Variants in ZNF423 observed in about 807,000 individuals in gnomAD.
The protein encoded by ZNF423 is Ebf-associated zinc finger protein.
ZNF423 carries 12 observed loss-of-function variants against 95.8 expected under a neutral mutation model. That is an observed-to-expected ratio of 0.13 (90% CI 0.08 to 0.20). ZNF423 has a LOEUF of 0.20. ZNF423 is among the 10% of genes least tolerant of loss of function. ZNF423 has a pLI of 1.00. For missense variants in ZNF423, 1,316 were observed against 1,737.1 expected (o/e 0.76, Z 4.31); for synonymous variants, 749 against 711.9 (o/e 1.05, Z -0.83).
chr16:49,711,846 T>G (rs9928187), intron 3 of ZNF423: 6,910 of 152,344 alleles, frequency 0.045, 169 homozygotes, highest in Middle Eastern at 0.092. Context: ...CAGTAGCTCA[T>G]GCCTCTAATC....
intron 3 of ZNF423, among the ~76,000 whole-genome samples, chr16:49,673,487 C>T (rs1269365290): frequency 6.6e-6 from 1 of 152,220 alleles, no homozygotes; most frequent in Non-Finnish European, 1.5e-5. Context: ...TTAAGGAGAA[C>T]TCCAGCATTG....
intron 1 of ZNF423, among the ~76,000 whole-genome samples, chr16:49,813,095 T>A (rs1368460926): frequency 6.6e-6 from 1 of 152,154 alleles, no homozygotes; most frequent in Non-Finnish European, 1.5e-5. Context: ...GTAGCCCTAC[T>A]AGGCGGTGGG....
At chr16:49,766,261 T>A (rs1165293089) in intron 2 of ZNF423, among the ~76,000 whole-genome samples, 1 of 152,190 alleles carries the variant, frequency 6.6e-6, no homozygotes, top group African/African-American at 2.4e-5. Flanking sequence ...TGTTTCATGT[T>A]TTTTTAAGTG....
At chr16:49,545,002 C>T (rs568250102) in intron 5 of ZNF423, among the ~76,000 whole-genome samples, 4 of 152,238 alleles carry the variant, frequency 2.6e-5, no homozygotes, top group Non-Finnish European at 4.4e-5. Context: ...CACAGTGGCA[C>T]TATGGGGCCG....
At chr16:49,589,305 C>A (rs1970935086) in intron 5 of ZNF423, among the ~76,000 whole-genome samples, 1 of 152,164 alleles carries the variant, frequency 6.6e-6, no homozygotes, top group South Asian at 2.1e-4. Flanking sequence ...CTTGAGCCAT[C>A]CATCTGCTGT....
chr16:49,856,182 G>A (rs1283552930), upstream of ZNF423: 1 of 37,958 alleles, frequency 2.6e-5, no homozygotes, highest in East Asian at 9.9e-4. Flanking sequence ...GCCGGCCCCC[G>A]GCCCCTGCGG....
At chr16:49,822,881 G>A (rs1214094927) in intron 1 of ZNF423, 9 of 569,812 alleles carry the variant, frequency 1.6e-5, no homozygotes, top group African/African-American at 7.8e-5. Context: ...AGTCATCTAC[G>A]CAGCCAGGAT....
At chr16:49,772,452 G>A (rs188223424) in intron 2 of ZNF423, among the ~76,000 whole-genome samples, 1 of 152,324 alleles carries the variant, frequency 6.6e-6, no homozygotes, top group East Asian at 1.9e-4. Context: ...CAGTCATATT[G>A]ACACAGAATT....
At chr16:49,639,787 C>G (rs1484678464) in intron 3 of ZNF423, among the ~76,000 whole-genome samples, 1 of 152,222 alleles carries the variant, frequency 6.6e-6, no homozygotes, top group Non-Finnish European at 1.5e-5. Context: ...CCCACCCTCC[C>G]TGGGGACAGC....
intron 7 of ZNF423, among the ~76,000 whole-genome samples, chr16:49,491,864 A>G (rs1370424903): frequency 6.6e-6 from 1 of 152,160 alleles, no homozygotes; most frequent in Non-Finnish European, 1.5e-5. Flanking sequence ...CCTGCGGCCC[A>G]GGCAGGGGAC....
chr16:49,666,348 C>T (rs915451825), intron 3 of ZNF423, among the ~76,000 whole-genome samples: 1 of 152,190 alleles, frequency 6.6e-6, no homozygotes, highest in East Asian at 1.9e-4. Flanking sequence ...TCGACAGAGG[C>T]GTAAACACAC....
At chr16:49,664,758 C>G (rs1596817219) in intron 3 of ZNF423, among the ~76,000 whole-genome samples, 1 of 152,252 alleles carries the variant, frequency 6.6e-6, no homozygotes, top group Non-Finnish European at 1.5e-5. Flanking sequence ...CAGGGCACAG[C>G]TCCAGGGAAA....
At chr16:49,849,975 C>A (rs1000992930) in intron 1 of ZNF423, among the ~76,000 whole-genome samples, 1 of 152,184 alleles carries the variant, frequency 6.6e-6, no homozygotes, top group Non-Finnish European at 1.5e-5. Context: ...TTCCTGACAT[C>A]AATCAAGACA....
intron 5 of ZNF423, among the ~76,000 whole-genome samples, chr16:49,535,296 A>G (rs937305531): frequency 6.6e-6 from 1 of 152,220 alleles, no homozygotes; most frequent in African/African-American, 2.4e-5. Context: ...TAAGGAGAAC[A>G]TCACCATCAC....
intron 2 of ZNF423, among the ~76,000 whole-genome samples, chr16:49,777,802 C>T (rs1169138112): frequency 6.6e-6 from 1 of 152,162 alleles, no homozygotes; most frequent in African/African-American, 2.4e-5. Context: ...GTTAACAAGG[C>T]TTAAATGAGA....
At chr16:49,733,105 A>G (rs1292997779) in intron 2 of ZNF423, among the ~76,000 whole-genome samples, 2 of 152,234 alleles carry the variant, frequency 1.3e-5, no homozygotes, top group African/African-American at 4.8e-5. Context: ...GAAAGCAAAG[A>G]AATGAGAAAT....
intron 1 of ZNF423, among the ~76,000 whole-genome samples, chr16:49,794,666 C>T (rs889197695): frequency 2.0e-5 from 3 of 152,206 alleles, no homozygotes; most frequent in Non-Finnish European, 4.4e-5. Context: ...GGTCTACCAG[C>T]TCCTGCTCGT....
At chr16:49,687,662 C>T (rs1201771128) in intron 3 of ZNF423, among the ~76,000 whole-genome samples, 1 of 152,142 alleles carries the variant, frequency 6.6e-6, no homozygotes, top group Non-Finnish European at 1.5e-5. Context: ...ACCAGGGGGG[C>T]CTTTAATTAC....
At chr16:49,803,732 C>G (rs1020710807) in intron 1 of ZNF423, among the ~76,000 whole-genome samples, 2 of 151,994 alleles carry the variant, frequency 1.3e-5, no homozygotes, top group African/African-American at 4.8e-5. Context: ...GAACAAACTA[C>G]GGTATGCTGG....
Sources: gnomAD v4.1 joint callset for allele counts (sites outside exome capture counted in the v4.1 genomes callset) on GRCh38, gnomAD v4.1.1 for gene constraint, MANE v1.5 for transcripts, NCBI Gene and HGNC (gene_info 2026-07-23, HGNC 2026-07-21) for gene names.